Variants in EMC7 observed in about 807,000 individuals in gnomAD.
The protein encoded by EMC7 is endoplasmic reticulum membrane protein complex subunit 7.
Under a neutral mutation model 24.4 loss-of-function variants are expected in EMC7, and 4 were observed. That is an observed-to-expected ratio of 0.16 (90% CI 0.08 to 0.38). EMC7 has a LOEUF of 0.38. Ranked by LOEUF, EMC7 falls within the 10% of genes least tolerant of loss-of-function variation. The pLI is 1.00. For missense variants in EMC7, 221 were observed against 300.6 expected, an observed-to-expected ratio of 0.74 and a Z score of 1.96; for synonymous variants, 106 against 112.0, an observed-to-expected ratio of 0.95 and a Z score of 0.34.
intron 3 of EMC7, among the ~76,000 whole-genome samples, chr15:34,088,807 A>G (rs972957146): frequency 2.0e-5 from 3 of 152,202 alleles, no homozygotes; most frequent in African/African-American, 7.2e-5. Context: ...TGTGTGATCT[A>G]AATAGCTATC....
intron 2 of EMC7, among the ~76,000 whole-genome samples, chr15:34,094,142 CATCTGTA>C (rs1276067658): frequency 2.0e-5 from 3 of 151,968 alleles, no homozygotes; most frequent in Non-Finnish European, 4.4e-5. Context: ...CAGTGGCTCA[CATCTGTA>C]ATCCCAGCAC....
chr15:34,092,423 A>T (rs1302080220), intron 2 of EMC7, among the ~76,000 whole-genome samples: 2 of 152,142 alleles, frequency 1.3e-5, no homozygotes, highest in Non-Finnish European at 2.9e-5. Context: ...ATCTCGGCTC[A>T]CTGCAACCTT....
In EMC7 at chr15:34,095,956, C is replaced by T; in HGVS notation, c.295G>A (p.Val99Ile). 1 of 1,610,708 alleles carries T rather than the reference C, an allele frequency of 6.2e-7. No individual in the cohort carries two copies. The highest frequency in any genetic ancestry group is 1.1e-5 in the South Asian group (1 of 90,722). ...GGATCAAATCTGTAAGCTGGAGATA[C>T]AACTTCCACTACATAAGATCCAGAA... ...IPSGSYVVEV[V>I]SPAYRFDPVR... Residue 99 changes from valine (V) to isoleucine (I), a missense_variant, in exon 2 of 5, where the codon GTA becomes ATA. Physicochemically the swap from Val to Ile is conservative, Grantham distance 29 (BLOSUM62 3). Coordinates refer to ENST00000256545, the MANE Select transcript of EMC7 (RefSeq NM_020154.3).
chr15:34,090,200 T>A, intron 3 of EMC7, 117 bp downstream of exon 3: 1 of 1,034,568 alleles, frequency 9.7e-7, no homozygotes, highest in Non-Finnish European at 1.4e-6. Flanking sequence ...TTATTCACAA[T>A]TATCCTTTCA....
chr15:34,098,312 G>A (rs1901113311), intron 1 of EMC7, among the ~76,000 whole-genome samples: 2 of 152,140 alleles, frequency 1.3e-5, no homozygotes, highest in South Asian at 4.1e-4. Flanking sequence ...GAGGATGTAA[G>A]CTCCAGGGTA....
At chr15:34,098,433 C>T (rs982812067) in intron 1 of EMC7, among the ~76,000 whole-genome samples, 1 of 150,624 alleles carries the variant, frequency 6.6e-6, no homozygotes. Flanking sequence ...TAATGGGACC[C>T]TGACTGAACC....
intron 2 of EMC7, among the ~76,000 whole-genome samples, chr15:34,093,806 C>CACACACATATATATAT (rs61440619): frequency 9.9e-5 from 3 of 30,246 alleles, no homozygotes; most frequent in Non-Finnish European, 1.6e-4. Flanking sequence ...CACACACACA[C>CACACACATATATATAT]ATATATATAT....
chr15:34,092,537 T>TG (rs1567502715), intron 2 of EMC7, among the ~76,000 whole-genome samples: 2 of 152,034 alleles, frequency 1.3e-5, no homozygotes, highest in Non-Finnish European at 2.9e-5. Context: ...TTAGTAGAGA[T>TG]GGGGTTCATC....
rs1179565534 is a variant in EMC7 at position 34,095,963 on chromosome 15, C to G, written c.288G>C (p.Val96=). 1 of 1,610,494 alleles carries G rather than the reference C, an allele frequency of 6.2e-7. No individual in the cohort carries two copies. The part of the protein sequence containing the change: ...VHDIPSGSYV[V]EVVSPAYRFD... ...ATCTGTAAGCTGGAGATACAACTTC[C>G]ACTACATAAGATCCAGAAGGTATAT... Residue 96 remains valine (V), a synonymous_variant, in exon 2 of 5, where the codon GTG becomes GTC. Transcript: ENST00000256545.
chr15:34,085,119 T>C (rs958891351), intron 4 of EMC7, among the ~76,000 whole-genome samples: 6 of 152,210 alleles, frequency 3.9e-5, no homozygotes, highest in Non-Finnish European at 7.3e-5. Context: ...TTTAACTATA[T>C]ATCAAGGTAT....
intron 1 of EMC7, among the ~76,000 whole-genome samples, chr15:34,096,684 C>T (rs142585957): frequency 6.6e-6 from 1 of 152,170 alleles, no homozygotes; most frequent in African/African-American, 2.4e-5. Flanking sequence ...CCCCCAACAA[C>T]TTCTTACTGT....
chr15:34,096,625 T>C (rs563969710), intron 1 of EMC7, among the ~76,000 whole-genome samples: 2 of 152,194 alleles, frequency 1.3e-5, no homozygotes, highest in Non-Finnish European at 2.9e-5. Flanking sequence ...CATGTCTTCA[T>C]TGAATATACA....
intron 1 of EMC7, among the ~76,000 whole-genome samples, chr15:34,101,191 C>T (rs1163028289): frequency 1.3e-5 from 2 of 151,302 alleles, no homozygotes; most frequent in Non-Finnish European, 2.9e-5. Flanking sequence ...TCGCATCTTT[C>T]TACATAATAA....
intron 2 of EMC7, among the ~76,000 whole-genome samples, chr15:34,092,293 A>ACACACACACACACACACACACACAC (rs1555523196): frequency 6.6e-6 from 1 of 151,654 alleles, no homozygotes. Flanking sequence ...ACACACACAC[A>ACACACACACACACACACACACACAC]AAGAATTAGG....
chr15:34,094,046 G>T (rs1054475007), intron 2 of EMC7, among the ~76,000 whole-genome samples: 4 of 151,080 alleles, frequency 2.6e-5, no homozygotes, highest in Non-Finnish European at 5.9e-5. Context: ...AAGTAGGGGG[G>T]AAAAGTAATT....
intron 2 of EMC7, among the ~76,000 whole-genome samples, chr15:34,090,908 AAT>A (rs1450336684): frequency 6.6e-6 from 1 of 152,248 alleles, no homozygotes; most frequent in African/African-American, 2.4e-5. Context: ...ATTGCCAGAA[AAT>A]GTTATAATGC....
At chr15:34,097,716 G>A (rs1649883788) in intron 1 of EMC7, among the ~76,000 whole-genome samples, 1 of 152,062 alleles carries the variant, frequency 6.6e-6, no homozygotes. Context: ...ATAGTTAAAG[G>A]AATAACTGAT....
chr15:34,086,647 G>A (rs372432345), intron 4 of EMC7, among the ~76,000 whole-genome samples: 27 of 152,000 alleles, frequency 1.8e-4, no homozygotes, highest in African/African-American at 6.5e-4. Context: ...CAGGCTGGTC[G>A]TGAACTCCTG....
In EMC7 at chr15:34,101,618, G is replaced by A; in HGVS notation, c.222C>T (p.His74=). 6.2e-7 allele frequency: 1 copy of A among 1,613,726 alleles called. No homozygotes were observed. The highest frequency in any genetic ancestry group is 8.5e-7 in the Non-Finnish European group (1 of 1,179,944). The change falls in exon 1 of 5, where the codon CAC becomes CAT. Residue 74 remains histidine, a synonymous_variant. Transcript: ENST00000256545. The part of the protein sequence containing the change: ...AARVLVDGEE[H]VGFLKTDGSF... ...AGGATGCTCACTTAAGGAAACCGAC[G>A]TGCTCTTCTCCGTCTACCAGCACTC...
Sources: gnomAD v4.1 joint callset for allele counts (sites outside exome capture counted in the v4.1 genomes callset) on GRCh38, gnomAD v4.1.1 for gene constraint, MANE v1.5 for transcripts, NCBI Gene and HGNC (gene_info 2026-07-23, HGNC 2026-07-21) for gene names.